The following C12orf42 variants were observed in gnomAD, a reference collection of about 807,000 sequenced individuals.
The protein encoded by C12orf42 is chromosome 12 open reading frame 42, also known as uncharacterized protein C12orf42.
In C12orf42, 25 loss-of-function variants were observed where a neutral mutation model predicts 21.6. The observed-to-expected ratio is 1.16, with a 90% CI of 0.84 to 1.62. The LOEUF (loss-of-function observed/expected upper bound fraction) is 1.62. C12orf42 is among the 40% of genes most tolerant of loss of function. The probability of loss-of-function intolerance (pLI) is 0.00; values close to 1 mark genes in which losing one functional copy is unlikely to be tolerated. For synonymous variants in C12orf42, 174 were observed against 175.0 expected (o/e 0.99, Z 0.05); for missense variants, 483 against 459.3 (o/e 1.05, Z -0.47).
At chr12:103,199,260 C>G in the C12orf42 span, among the ~76,000 whole-genome samples, 3 of 152,082 alleles carry the variant, frequency 2.0e-5, no homozygotes, top group East Asian at 5.8e-4. Flanking sequence ...TATCCACATT[C>G]AAAGGAATGA....
chr12:103,085,541 ATTT>A, the C12orf42 span, among the ~76,000 whole-genome samples: 2 of 143,328 alleles, frequency 1.4e-5, no homozygotes, highest in African/African-American at 5.1e-5. Context: ...GAATGAAAAG[ATTT>A]TTTTTTTTTT....
intron 3 of C12orf42, among the ~76,000 whole-genome samples, chr12:103,390,297 A>G (rs2046965862): frequency 6.6e-6 from 1 of 152,244 alleles, no homozygotes; most frequent in Non-Finnish European, 1.5e-5. Context: ...TAATTATGGT[A>G]TAATATACAG....
chr12:103,492,305 A>T (rs1593024572), intron 1 of C12orf42, among the ~76,000 whole-genome samples: 1 of 152,292 alleles, frequency 6.6e-6, no homozygotes, highest in East Asian at 1.9e-4. Context: ...CCTTAAATAC[A>T]TTATCCAGCA....
At chr12:103,553,087 T>A in the C12orf42 span, among the ~76,000 whole-genome samples, 4 of 152,096 alleles carry the variant, frequency 2.6e-5, no homozygotes, top group Admixed American at 2.0e-4. Context: ...CCTGACCATA[T>A]CAGGAGCTGA....
the C12orf42 span, among the ~76,000 whole-genome samples, chr12:103,067,138 A>T: frequency 1.3e-5 from 2 of 152,136 alleles, no homozygotes; most frequent in South Asian, 4.1e-4. Flanking sequence ...GGTTGATTAT[A>T]TTGGACCTCT....
At chr12:103,083,321 G>A in the C12orf42 span, among the ~76,000 whole-genome samples, 3 of 152,104 alleles carry the variant, frequency 2.0e-5, no homozygotes, top group South Asian at 2.1e-4. Context: ...CTGAGATCGC[G>A]CCATTGCACT....
rs202166538 is a variant in C12orf42, at chr12:103,302,274, T to C, written c.917A>G (p.Asn306Ser). The part of the protein sequence containing the change: ...RPQADTSLHG[N>S]LAGAPLPLLA... ...CAGAGGAAGGGGCGCTCCTGCCAGA[T>C]TGCCATGGAGGGAGGTGTCCGCCTG... Residue 306 changes from asparagine (N) to serine (S), a missense_variant, in exon 6 of 6, where the codon AAT becomes AGT. Physicochemically the swap from Asn to Ser is conservative, Grantham distance 46. Coordinates refer to ENST00000548883, the MANE Select transcript of C12orf42 (RefSeq NM_198521.5). 148 of 1,612,536 alleles carry C rather than the reference T, an allele frequency of 9.2e-5. No individual in the cohort carries two copies. The African/African-American group carries it at 1.7e-3, about 19-fold the overall frequency.
chr12:103,293,157 G>T (rs1379933441), intron 4 of C12orf42, among the ~76,000 whole-genome samples: 1 of 151,928 alleles, frequency 6.6e-6, no homozygotes, highest in Non-Finnish European at 1.5e-5. Flanking sequence ...AAATAAATAA[G>T]ATTAATTCCC....
the C12orf42 span, among the ~76,000 whole-genome samples, chr12:103,520,713 CAA>C: frequency 6.6e-6 from 1 of 151,922 alleles, no homozygotes; most frequent in South Asian, 2.1e-4. Flanking sequence ...ATAAAACTAA[CAA>C]AAACTTAACT....
the C12orf42 span, among the ~76,000 whole-genome samples, chr12:103,201,834 T>A: frequency 7.9e-5 from 12 of 152,332 alleles, no homozygotes; most frequent in East Asian, 1.3e-3. Flanking sequence ...ATGACCCATT[T>A]TGAAGTTGAA....
At chr12:103,323,076 G>A (rs1032644485) in intron 4 of C12orf42, among the ~76,000 whole-genome samples, 1 of 126,404 alleles carries the variant, frequency 7.9e-6, no homozygotes, top group Non-Finnish European at 1.7e-5. Context: ...CTTCTACACT[G>A]GGCTATAAAG....
intron 3 of C12orf42, among the ~76,000 whole-genome samples, chr12:103,372,679 C>A (rs1027974375): frequency 6.6e-6 from 1 of 152,100 alleles, no homozygotes; most frequent in Non-Finnish European, 1.5e-5. Context: ...ATCTTTTTAT[C>A]TCTTGCCCTC....
At chr12:103,371,441 GA>G (rs1353269467) in intron 3 of C12orf42, among the ~76,000 whole-genome samples, 1 of 152,130 alleles carries the variant, frequency 6.6e-6, no homozygotes, top group Non-Finnish European at 1.5e-5. Context: ...ATTAACTAAG[GA>G]AGGGTCAGAA....
At chr12:103,200,201 C>T in the C12orf42 span, among the ~76,000 whole-genome samples, 1 of 152,078 alleles carries the variant, frequency 6.6e-6, no homozygotes, top group African/African-American at 2.4e-5. Context: ...ACTTAGAGGA[C>T]ATTATGCTAA....
At chr12:103,423,155 C>T (rs1041119261) in intron 2 of C12orf42, among the ~76,000 whole-genome samples, 25 of 152,182 alleles carry the variant, frequency 1.6e-4, no homozygotes, top group Non-Finnish European at 1.5e-5. Flanking sequence ...AGCATTGATG[C>T]CCTTGCCCTG....
the C12orf42 span, among the ~76,000 whole-genome samples, chr12:103,554,923 G>C: frequency 1.7e-3 from 263 of 152,192 alleles, no homozygotes; most frequent in South Asian, 7.3e-3. Flanking sequence ...CCATATCAGG[G>C]AGGTAATGTG....
At chr12:103,352,201 A>G (rs2043158897) in intron 4 of C12orf42, among the ~76,000 whole-genome samples, 1 of 152,160 alleles carries the variant, frequency 6.6e-6, no homozygotes, top group South Asian at 2.1e-4. Context: ...AAGAAAGGCC[A>G]AGGAGCTTAC....
At chr12:103,119,940 T>A in the C12orf42 span, among the ~76,000 whole-genome samples, 1 of 152,206 alleles carries the variant, frequency 6.6e-6, no homozygotes, top group Non-Finnish European at 1.5e-5. Flanking sequence ...CAACTCTTGG[T>A]TTCTTCTGCT....
intron 6 of C12orf42, chr12:103,268,993 G>A (rs2035308561): frequency 6.6e-6 from 1 of 152,070 alleles, no homozygotes; most frequent in Non-Finnish European, 1.5e-5. Context: ...TTACCATTTG[G>A]TGCTAGCGAC....
Sources: allele counts gnomAD v4.1 joint callset (sites outside exome capture counted in the v4.1 genomes callset), GRCh38; gene constraint gnomAD v4.1.1; transcripts MANE v1.5; gene names NCBI Gene and HGNC (gene_info 2026-07-23, HGNC 2026-07-21).